Variants in XRRA1 observed in about 807,000 individuals in gnomAD.
XRRA1 encodes the protein X-ray radiation resistance-associated protein 1.
Under a neutral mutation model 80.2 loss-of-function variants are expected in XRRA1, and 69 were observed. The ratio of observed to expected loss-of-function variants is 0.86; its 90% confidence interval spans 0.71 to 1.05. The LOEUF is 1.05. Among genes scored for constraint, XRRA1 ranks in the 50% least tolerant of loss-of-function variants. XRRA1 has a pLI of 0.00. For synonymous variants in XRRA1, 348 were observed against 389.9 expected (o/e 0.89, Z 1.27); for missense variants, 967 against 976.4 (o/e 0.99, Z 0.13).
At chr11:74,942,402 G>C (rs918922642) in intron 2 of XRRA1, among the ~76,000 whole-genome samples, 3 of 152,216 alleles carry the variant, frequency 2.0e-5, no homozygotes, top group Non-Finnish European at 4.4e-5. Flanking sequence ...CAAGACGCTT[G>C]ATTGTGAAAG....
chr11:74,859,027 C>T (rs910229830), intron 12 of XRRA1, 131 bp downstream of exon 12: 2 of 1,275,424 alleles, frequency 1.6e-6, no homozygotes, highest in African/African-American at 1.6e-5. Context: ...TTTCCCCACC[C>T]TGAGAATTCC....
intron 15 of XRRA1, 67 bp downstream of exon 15, chr11:74,848,048 C>T: frequency 7.0e-7 from 1 of 1,432,814 alleles, no homozygotes. Context: ...AGCAATCGAG[C>T]CTAAGGGCTG....
At chr11:74,916,167 G>A (rs1938601566) in intron 8 of XRRA1, among the ~76,000 whole-genome samples, 1 of 151,980 alleles carries the variant, frequency 6.6e-6, no homozygotes, top group Non-Finnish European at 1.5e-5. Flanking sequence ...ATCCTATCTT[G>A]GAGTTCACTG....
At chr11:74,936,739 A>T in intron 4 of XRRA1, 145 bp downstream of exon 4, 1 of 1,067,954 alleles carries the variant, frequency 9.4e-7, no homozygotes, top group Non-Finnish European at 1.3e-6. Flanking sequence ...TCCCTTCATT[A>T]TCCTGGCTGT....
intron 14 of XRRA1, among the ~76,000 whole-genome samples, chr11:74,850,625 A>G (rs963187372): frequency 2.6e-5 from 4 of 152,244 alleles, no homozygotes; most frequent in Non-Finnish European, 4.4e-5. Flanking sequence ...CAAAGGAAGC[A>G]GACTTCTCTC....
At chr11:74,896,183 T>C (rs2052268634) in intron 10 of XRRA1, among the ~76,000 whole-genome samples, 1 of 152,246 alleles carries the variant, frequency 6.6e-6, no homozygotes, top group Non-Finnish European at 1.5e-5. Context: ...CCATTGGCAC[T>C]GGCTCGGCCA....
At chr11:74,946,049 A>G (rs1947459675) in intron 1 of XRRA1, among the ~76,000 whole-genome samples, 1 of 151,404 alleles carries the variant, frequency 6.6e-6, no homozygotes, top group African/African-American at 2.4e-5. Context: ...TGCAACCTCC[A>G]CCTCCCAGAC....
intron 3 of XRRA1, among the ~76,000 whole-genome samples, chr11:74,937,457 T>C (rs1179304673): frequency 6.6e-6 from 1 of 152,182 alleles, no homozygotes; most frequent in Non-Finnish European, 1.5e-5. Context: ...TTCTCATGCA[T>C]GCCAGTTACT....
intron 10 of XRRA1, among the ~76,000 whole-genome samples, chr11:74,882,158 G>T (rs2047799623): frequency 6.6e-6 from 1 of 152,190 alleles, no homozygotes; most frequent in South Asian, 2.1e-4. Flanking sequence ...ATCAGACGTA[G>T]ATTTTGGTCT....
chr11:74,940,154 C>T (rs1334921399), intron 3 of XRRA1, among the ~76,000 whole-genome samples: 1 of 152,212 alleles, frequency 6.6e-6, no homozygotes, highest in African/African-American at 2.4e-5. Context: ...AGAACCAATA[C>T]TTAGTGTTTC....
At chr11:74,844,395 A>G in intron 16 of XRRA1, 112 bp from the exon 17 acceptor site, 3 of 760,136 alleles carry the variant, frequency 3.9e-6, no homozygotes, top group Non-Finnish European at 2.2e-6. Context: ...AAAGGATTTG[A>G]GAGTCCCCAA....
At chr11:74,891,990 TATA>T (rs2050851559) in intron 10 of XRRA1, among the ~76,000 whole-genome samples, 1 of 152,178 alleles carries the variant, frequency 6.6e-6, no homozygotes, top group East Asian at 1.9e-4. Context: ...CAAGGTAATT[TATA>T]GATTCAATGC....
chr11:74,937,124 C>A, intron 3 of XRRA1, 56 bp from the exon 4 acceptor site: 2 of 1,533,136 alleles, frequency 1.3e-6, no homozygotes, highest in Non-Finnish European at 1.8e-6. Context: ...ACAACGAGTG[C>A]AGTTATAGAC....
At position 74,910,501 on chromosome 11, in the gene XRRA1, C is replaced by CA. The variant is rs943443082; in HGVS notation, c.657-3229dup. On this transcript the variant is annotated intron_variant, in intron 8 of 18. Coordinates refer to ENST00000684022, the MANE Select transcript of XRRA1 (RefSeq NM_001378157.1). Reference sequence around the variant, plus strand: ...ATATGATTCCCCTAACTCACCCAGACAAAAAAAATAGCAAGAAATGGAGAC... The same window carrying CA: ...ATATGATTCCCCTAACTCACCCAGACAAAAAAAAATAGCAAGAAATGGAGAC... Among the ~76,000 whole-genome samples the CA allele has an allele frequency of 2.7e-4, 41 of 150,350 alleles. 1 individual carries two copies. The highest frequency in any genetic ancestry group is 2.1e-3 in the Admixed American group (32 of 15,158).
chr11:74,919,710 G>A, intron 8 of XRRA1: 2 of 501,216 alleles, frequency 4.0e-6, no homozygotes, highest in Non-Finnish European at 3.9e-6. Flanking sequence ...CAAGAAGCAT[G>A]CCCCTTGAGC....
chr11:74,926,270 T>C (rs2139196723), intron 7 of XRRA1, among the ~76,000 whole-genome samples: 1 of 152,368 alleles, frequency 6.6e-6, no homozygotes, highest in Non-Finnish European at 1.5e-5. Context: ...TAAAACCTTT[T>C]AAAGCTTTGG....
At chr11:74,886,195 C>A (rs2048977280) in intron 10 of XRRA1, among the ~76,000 whole-genome samples, 2 of 152,080 alleles carry the variant, frequency 1.3e-5, no homozygotes, top group Admixed American at 1.3e-4. Flanking sequence ...TGATATAGCA[C>A]TGCAAGTCCT....
chr11:74,866,149 CAAAAT>C (rs776002237), intron 10 of XRRA1, among the ~76,000 whole-genome samples: 2 of 152,190 alleles, frequency 1.3e-5, no homozygotes, highest in Admixed American at 6.5e-5. Flanking sequence ...ACCAAACAGA[CAAAAT>C]AAGATGCCAG....
chr11:74,859,719 A>G (rs1006094970), intron 11 of XRRA1, among the ~76,000 whole-genome samples: 1 of 151,942 alleles, frequency 6.6e-6, no homozygotes, highest in Non-Finnish European at 1.5e-5. Context: ...GAGGAGAGGG[A>G]GAGGGAGGTG....
Sources: allele counts gnomAD v4.1 joint callset (sites outside exome capture counted in the v4.1 genomes callset), GRCh38; gene constraint gnomAD v4.1.1; transcripts MANE v1.5; gene names NCBI Gene and HGNC (gene_info 2026-07-23, HGNC 2026-07-21).